Variants in PDE3B observed in about 807,000 individuals in gnomAD.
PDE3B encodes the protein cGMP-inhibited 3',5'-cyclic phosphodiesterase 3B.
A neutral mutation model predicts 116.8 loss-of-function variants in PDE3B; 66 were observed. That is an observed-to-expected ratio of 0.56 (90% CI 0.46 to 0.69). The LOEUF (loss-of-function observed/expected upper bound fraction) is 0.69, where lower values mean the gene tolerates loss of function less well. Among genes scored for constraint, PDE3B ranks in the 30% least tolerant of loss-of-function variants. The probability of loss-of-function intolerance (pLI) is 0.00; values close to 1 mark genes in which losing one functional copy is unlikely to be tolerated. For missense variants in PDE3B, 1,384 were observed against 1,368.1 expected (o/e 1.01, Z -0.18); for synonymous variants, 595 against 533.6 (o/e 1.12, Z -1.59).
In PDE3B at chr11:14,643,890, A is replaced by T; in HGVS notation, c.-186A>T. The T allele has an allele frequency of 1.2e-6, 1 of 809,338 alleles. No homozygotes were observed. The highest frequency in any genetic ancestry group is 1.8e-6 in the Non-Finnish European group (1 of 570,224). 50.1% of individuals were successfully genotyped at this position (809,338 alleles called of 1,614,324 possible). A position where few individuals can be genotyped will look rare whatever the true frequency, so the allele number is the denominator to read the frequency against. ...CCTTCCGCCCCTCTCCTCAGCCAGC[A>T]TGTCCCGGACTCCGCCGCTCCTCAG... On this transcript the variant is annotated 5_prime_UTR_variant, in exon 1 of 16. The change abolishes an upstream ATG in the 5' untranslated region. Transcript: ENST00000282096.
intron 1 of PDE3B, among the ~76,000 whole-genome samples, chr11:14,760,701 T>C (rs1040458800): frequency 6.6e-6 from 1 of 152,206 alleles, no homozygotes; most frequent in Non-Finnish European, 1.5e-5. Context: ...TTGACAATTC[T>C]CTTTCGCATT....
chr11:14,746,261 G>A (rs1039756064), intron 1 of PDE3B, among the ~76,000 whole-genome samples: 4 of 152,142 alleles, frequency 2.6e-5, no homozygotes, highest in African/African-American at 9.7e-5. Flanking sequence ...GGGCGTGGTG[G>A]CATTCACCTG....
intron 4 of PDE3B, among the ~76,000 whole-genome samples, chr11:14,802,303 G>A (rs1437169128): frequency 6.6e-6 from 1 of 152,178 alleles, no homozygotes; most frequent in East Asian, 1.9e-4. Flanking sequence ...GGAATCTCTT[G>A]GTCTGTGGAT....
chr11:14,755,302 C>T (rs1857155222), intron 1 of PDE3B, among the ~76,000 whole-genome samples: 1 of 152,106 alleles, frequency 6.6e-6, no homozygotes, highest in African/African-American at 2.4e-5. Flanking sequence ...AGTTTTCAAA[C>T]TAAAATACAA....
At chr11:14,884,955 C>T in the PDE3B span, among the ~76,000 whole-genome samples, 1 of 152,024 alleles carries the variant, frequency 6.6e-6, no homozygotes, top group Non-Finnish European at 1.5e-5. Flanking sequence ...TATCATTATA[C>T]TCTGGCCTGA....
chr11:14,688,113 T>TTCTCTCTCTCTCTC (rs35700152), intron 1 of PDE3B, among the ~76,000 whole-genome samples: 65 of 109,904 alleles, frequency 5.9e-4, no homozygotes, highest in African/African-American at 7.0e-4. Flanking sequence ...CTCTCTCTCT[T>TTCTCTCTCTCTCTC]TCTCTCTCTC....
At chr11:14,897,806 C>G in the PDE3B span, among the ~76,000 whole-genome samples, 2 of 152,124 alleles carry the variant, frequency 1.3e-5, no homozygotes, top group African/African-American at 4.8e-5. Context: ...CAGGCCTGCT[C>G]CAGACCGCCT....
the PDE3B span, among the ~76,000 whole-genome samples, chr11:14,882,194 G>T: frequency 2.0e-5 from 3 of 152,090 alleles, no homozygotes; most frequent in Non-Finnish European, 2.9e-5. Flanking sequence ...TGTCAGGAAT[G>T]TATCAGGGAA....
At chr11:14,831,877 C>A in intron 9 of PDE3B, 100 bp downstream of exon 9, 2 of 692,412 alleles carry the variant, frequency 2.9e-6, no homozygotes, top group East Asian at 3.1e-5. Context: ...ACTAGTTCAA[C>A]AATGACATTG....
the PDE3B span, among the ~76,000 whole-genome samples, chr11:14,878,876 TAGA>T: frequency 6.6e-6 from 1 of 152,082 alleles, no homozygotes; most frequent in African/African-American, 2.4e-5. Flanking sequence ...AAAACAGATT[TAGA>T]AGAAGCCAGG....
rs1469075971 is a variant in PDE3B, at chr11:14,831,793, T to C, written c.2094+16T>C. 9 of 1,576,716 alleles carry C rather than the reference T, an allele frequency of 5.7e-6. No individual in the cohort carries two copies. In the South Asian group the frequency reaches 5.8e-5, roughly 10 times the overall value. Reference sequence around the variant, plus strand: ...TCTCAGTCAGGTTTGCTTTCAAATATCTACTTTTTAACTGTAAATTAATTT... The same window carrying C: ...TCTCAGTCAGGTTTGCTTTCAAATACCTACTTTTTAACTGTAAATTAATTT... On this transcript the variant is annotated intron_variant, in intron 9 of 15. Coordinates refer to ENST00000282096, the MANE Select transcript of PDE3B (RefSeq NM_000922.4).
chr11:14,873,258 C>G (rs1406186364), downstream of PDE3B, among the ~76,000 whole-genome samples: 2 of 152,186 alleles, frequency 1.3e-5, no homozygotes, highest in Non-Finnish European at 2.9e-5. Context: ...TGCCATTACC[C>G]AGTGGGAACT....
At position 14,659,679 on chromosome 11, in the gene PDE3B, G is replaced by A. The variant is rs547003806; in HGVS notation, c.978+14626G>A. On this transcript the variant is annotated intron_variant, in intron 1 of 15. Transcript: ENST00000282096. ...CTCCCACTCCGGTAGGCCCCAGTGTGTGCTGTTCCTCCCTACGTGGTCATG... is the reference window on the plus strand; with the variant it reads ...CTCCCACTCCGGTAGGCCCCAGTGTATGCTGTTCCTCCCTACGTGGTCATG... Among the ~76,000 whole-genome samples, 15 of 152,250 alleles carry A rather than the reference G, an allele frequency of 9.9e-5. 1 individual carries two copies. The highest frequency in any genetic ancestry group is 3.6e-4 in the African/African-American group (15 of 41,552).
rs909429046 is a variant in PDE3B at position 14,842,470 on chromosome 11, A to G, written c.2321-1357A>G. Among the ~76,000 whole-genome samples, 5 of 152,254 alleles carry G rather than the reference A, an allele frequency of 3.3e-5. No individual in the cohort carries two copies. In the East Asian group the frequency reaches 5.8e-4, roughly 18 times the overall value. On this transcript the variant is annotated intron_variant, in intron 11 of 15. Coordinates refer to ENST00000282096, the MANE Select transcript of PDE3B (RefSeq NM_000922.4). ...AATGTGTATCACATAGGAAAATTCA[A>G]ATTATTGACTCTGTATTGATATTTA...
At chr11:14,783,181 C>G (rs910353741) in intron 2 of PDE3B, among the ~76,000 whole-genome samples, 3 of 152,170 alleles carry the variant, frequency 2.0e-5, no homozygotes, top group Non-Finnish European at 4.4e-5. Context: ...CTAGTTCAAC[C>G]ATTGTGGAAG....
chr11:14,729,409 G>T (rs947622214), intron 1 of PDE3B, among the ~76,000 whole-genome samples: 1 of 152,172 alleles, frequency 6.6e-6, no homozygotes, highest in African/African-American at 2.4e-5. Flanking sequence ...TCTGTCCTGG[G>T]TGGAACTAGG....
At chr11:14,759,809 A>G (rs546471186) in intron 1 of PDE3B, among the ~76,000 whole-genome samples, 2 of 152,064 alleles carry the variant, frequency 1.3e-5, no homozygotes, top group Non-Finnish European at 2.9e-5. Context: ...GGCCTCCCAA[A>G]GTGCTGGGAT....
intron 1 of PDE3B, among the ~76,000 whole-genome samples, chr11:14,732,685 T>G (rs1213139193): frequency 6.6e-6 from 1 of 152,200 alleles, no homozygotes; most frequent in Non-Finnish European, 1.5e-5. Context: ...CCAGGACTCT[T>G]GAGTATATCC....
chr11:14,889,821 T>C, the PDE3B span, among the ~76,000 whole-genome samples: 1 of 152,136 alleles, frequency 6.6e-6, no homozygotes, highest in Non-Finnish European at 1.5e-5. Flanking sequence ...AACAAATGTG[T>C]TCTGTGTATA....
Sources: allele counts gnomAD v4.1 joint callset (sites outside exome capture counted in the v4.1 genomes callset), GRCh38; gene constraint gnomAD v4.1.1; transcripts MANE v1.5; gene names NCBI Gene and HGNC (gene_info 2026-07-23, HGNC 2026-07-21).